The following SHLD2 variants were observed in gnomAD, a reference collection of about 807,000 sequenced individuals.
The protein encoded by SHLD2 is RINN1-REV7-interacting novel NHEJ regulator 2.
Under a neutral mutation model 73.2 loss-of-function variants are expected in SHLD2, and 30 were observed. The observed-to-expected ratio is 0.41, with a 90% CI of 0.31 to 0.56. The LOEUF is 0.56. SHLD2 is among the 20% of genes least tolerant of loss of function. The probability of loss-of-function intolerance (pLI) is 0.28; values close to 1 mark genes in which losing one functional copy is unlikely to be tolerated. For missense variants in SHLD2, 745 were observed against 1,055.9 expected, an observed-to-expected ratio of 0.71 and a Z score of 4.08; for synonymous variants, 285 against 370.1, an observed-to-expected ratio of 0.77 and a Z score of 2.64.
chr10:87,165,162 G>A (rs368538123), intron 4 of SHLD2, among the ~76,000 whole-genome samples: 2 of 150,620 alleles, frequency 1.3e-5, no homozygotes, highest in South Asian at 2.1e-4. Context: ...ACTTCAGCCC[G>A]GGCAACAGAG....
chr10:87,152,900 T>G (rs750784994), intron 3 of SHLD2, 21 bp downstream of exon 3: 28 of 1,581,346 alleles, frequency 1.8e-5, no homozygotes, highest in Non-Finnish European at 2.3e-5. Context: ...TATGGTATAG[T>G]GGTAGCTTAT....
intron 2 of SHLD2, among the ~76,000 whole-genome samples, chr10:87,141,173 C>T (rs1245460071): frequency 2.0e-5 from 3 of 151,634 alleles, no homozygotes; most frequent in Non-Finnish European, 2.9e-5. Flanking sequence ...CCTATCTACT[C>T]AGGTGGCTAA....
At chr10:87,166,668 A>G (rs1405588633) in intron 4 of SHLD2, among the ~76,000 whole-genome samples, 1 of 152,190 alleles carries the variant, frequency 6.6e-6, no homozygotes, top group South Asian at 2.1e-4. Flanking sequence ...GGATCTCTTG[A>G]GGCAAAGAGT....
intron 2 of SHLD2, among the ~76,000 whole-genome samples, chr10:87,123,023 C>T (rs1843733979): frequency 6.6e-6 from 1 of 152,152 alleles, no homozygotes; most frequent in Non-Finnish European, 1.5e-5. Context: ...GTGATCCACC[C>T]GCCTTGGCCT....
chr10:87,139,998 GA>G (rs1047495610), intron 2 of SHLD2, among the ~76,000 whole-genome samples: 1 of 151,830 alleles, frequency 6.6e-6, no homozygotes, highest in African/African-American at 2.4e-5. Flanking sequence ...AGCACAAAGA[GA>G]AAAAAAATAC....
chr10:87,111,819 AGT>A (rs1842942761), intron 2 of SHLD2, among the ~76,000 whole-genome samples: 3 of 152,086 alleles, frequency 2.0e-5, no homozygotes, highest in African/African-American at 7.2e-5. Context: ...TCATTAAGAA[AGT>A]GAAAAGACAA....
chr10:87,094,745 G>T, upstream of SHLD2: 1 of 1,532,994 alleles, frequency 6.5e-7, no homozygotes. This position sits in a 1 kb window ranked among gnomAD's most constrained non-coding sequence, Gnocchi z 6.6. Context: ...GACAGCAACA[G>T]CGCTTCGCCC....
chr10:87,114,614 A>G (rs1230979970), intron 2 of SHLD2, among the ~76,000 whole-genome samples: 2 of 152,094 alleles, frequency 1.3e-5, no homozygotes, highest in Admixed American at 6.6e-5. Flanking sequence ...AATCCCAGCT[A>G]CTCAGGAGAT....
intron 4 of SHLD2, among the ~76,000 whole-genome samples, chr10:87,158,595 G>A (rs1254432876): frequency 2.6e-5 from 4 of 152,052 alleles, no homozygotes; most frequent in African/African-American, 9.7e-5. Flanking sequence ...TATTGGTCTC[G>A]TATTCAGACA....
At chr10:87,121,768 T>C (rs1471236647) in intron 2 of SHLD2, among the ~76,000 whole-genome samples, 1 of 150,538 alleles carries the variant, frequency 6.6e-6, no homozygotes, top group Non-Finnish European at 1.5e-5. Flanking sequence ...CTTTCTTTTT[T>C]TTTTTTTTTT....
At chr10:87,184,506 C>T (rs892065108) in intron 8 of SHLD2, among the ~76,000 whole-genome samples, 5 of 152,154 alleles carry the variant, frequency 3.3e-5, no homozygotes, top group African/African-American at 4.8e-5. Flanking sequence ...CGACCTGTTG[C>T]GCAAACCAGC....
rs1180294933 is a variant in SHLD2 at position 87,133,464 on chromosome 10, A to G, written c.-5-17886A>G. Among the ~76,000 whole-genome samples, 4 of 152,300 alleles carry G rather than the reference A, an allele frequency of 2.6e-5. No homozygotes were observed. The East Asian group carries it at 7.7e-4, about 29-fold the overall frequency. Reference sequence around the variant, plus strand: ...TTGTTCTTGTTTTCTACTGCAGTCTAATTTTTAGTGTTATGCTGTTTCCAG... The same window carrying G: ...TTGTTCTTGTTTTCTACTGCAGTCTGATTTTTAGTGTTATGCTGTTTCCAG... On this transcript the variant is annotated intron_variant, in intron 2 of 9. Coordinates refer to ENST00000298786, the MANE Select transcript of SHLD2 (RefSeq NM_001330112.2).
intron 3 of SHLD2, among the ~76,000 whole-genome samples, chr10:87,155,938 A>G (rs928463808): frequency 2.0e-5 from 3 of 152,016 alleles, no homozygotes; most frequent in Non-Finnish European, 4.4e-5. Context: ...TTTGTGTGGA[A>G]CAGATGGAAA....
At chr10:87,165,115 A>C (rs994892499) in intron 4 of SHLD2, among the ~76,000 whole-genome samples, 5 of 151,854 alleles carry the variant, frequency 3.3e-5, no homozygotes, top group African/African-American at 1.2e-4. Flanking sequence ...TGATCCCAGG[A>C]GGTTGAGGCT....
intron 4 of SHLD2, among the ~76,000 whole-genome samples, chr10:87,158,815 CAGAT>C (rs1420280229): frequency 6.6e-6 from 1 of 152,160 alleles, no homozygotes; most frequent in Non-Finnish European, 1.5e-5. Flanking sequence ...TCACTGGACT[CAGAT>C]AGACCAGGAT....
intron 3 of SHLD2, among the ~76,000 whole-genome samples, chr10:87,154,759 G>C (rs1216720460): frequency 2.0e-5 from 3 of 152,126 alleles, no homozygotes; most frequent in African/African-American, 7.2e-5. Flanking sequence ...TGGTGTATTA[G>C]AGCAGGAGGA....
chr10:87,175,797 A>C lies in SHLD2; in HGVS notation c.1964-92A>C, dbSNP rs1436380580. 5 of 1,277,150 alleles carry C rather than the reference A, an allele frequency of 3.9e-6. No homozygotes were observed. In the African/African-American group the frequency reaches 6.1e-5, roughly 15 times the overall value. 79.1% of individuals were successfully genotyped at this position (1,277,150 alleles called of 1,614,324 possible). The stretch of plus-strand genomic sequence containing the variant: ...TCTTTAGTGATAAAAGATTAGATTC[A>C]ACTGACTTAATCAGATCAATCTATT... On this transcript the variant is annotated intron_variant, in intron 6 of 9. Transcript: ENST00000298786.
intron 2 of SHLD2, among the ~76,000 whole-genome samples, chr10:87,121,200 C>G (rs1474500606): frequency 6.6e-6 from 1 of 152,142 alleles, no homozygotes; most frequent in Non-Finnish European, 1.5e-5. Context: ...TCTCTGCTCA[C>G]TGCAACCTCC....
At chr10:87,143,517 G>A (rs1337232125) in intron 2 of SHLD2, among the ~76,000 whole-genome samples, 1 of 152,148 alleles carries the variant, frequency 6.6e-6, no homozygotes, top group Admixed American at 6.5e-5. Flanking sequence ...AGTCTTGAGA[G>A]TCTCAAATGT....
Sources: gnomAD v4.1 joint callset for allele counts (sites outside exome capture counted in the v4.1 genomes callset) on GRCh38, gnomAD v4.1.1 for gene constraint, Gnocchi (gnomAD v3.1) non-coding constraint, MANE v1.5 for transcripts, NCBI Gene and HGNC (gene_info 2026-07-23, HGNC 2026-07-21) for gene names.